ADCY2: variants seen among roughly 807,000 people sequenced by gnomAD.
ADCY2 encodes adenylate cyclase 2, also known as adenylate cyclase type 2.
ADCY2 carries 31 observed loss-of-function variants against 125.2 expected under a neutral mutation model. The ratio of observed to expected loss-of-function variants is 0.25; its 90% CI spans 0.19 to 0.33. ADCY2 has a LOEUF of 0.33. Ranked by LOEUF, ADCY2 falls within the 10% of genes least tolerant of loss-of-function variation. ADCY2 has a pLI of 1.00. For synonymous variants in ADCY2, 512 were observed against 548.4 expected (o/e 0.93, Z 0.93); for missense variants, 904 against 1,418.2 (o/e 0.64, Z 5.82).
intron 2 of ADCY2, among the ~76,000 whole-genome samples, chr5:7,518,997 C>A (rs952600938): frequency 6.6e-6 from 1 of 152,132 alleles, no homozygotes; most frequent in Non-Finnish European, 1.5e-5. Context: ...GGTCGGAGTG[C>A]CTTAATAAGC....
At chr5:7,455,786 AAC>A (rs1268777789) in intron 2 of ADCY2, among the ~76,000 whole-genome samples, 37 of 145,436 alleles carry the variant, frequency 2.5e-4, no homozygotes, top group Admixed American at 2.4e-3. Context: ...TATATTATAT[AAC>A]ACATATATTC....
At chr5:7,569,768 G>T (rs545812080) in intron 3 of ADCY2, among the ~76,000 whole-genome samples, 1 of 152,108 alleles carries the variant, frequency 6.6e-6, no homozygotes, top group Non-Finnish European at 1.5e-5. Context: ...GCTTAAGAGA[G>T]ACAGAAAGAT....
chr5:7,663,318 C>T (rs1489230702), intron 4 of ADCY2, among the ~76,000 whole-genome samples: 1 of 152,246 alleles, frequency 6.6e-6, no homozygotes, highest in Non-Finnish European at 1.5e-5. Flanking sequence ...GTGAAAAGCA[C>T]AATTCCAGGA....
chr5:7,430,753 A>G (rs1349231921), intron 2 of ADCY2, among the ~76,000 whole-genome samples: 1 of 152,058 alleles, frequency 6.6e-6, no homozygotes, highest in Non-Finnish European at 1.5e-5. Flanking sequence ...TATTGGAATC[A>G]TCTGTTAGAA....
intron 3 of ADCY2, among the ~76,000 whole-genome samples, chr5:7,616,282 C>G (rs1737759117): frequency 6.6e-6 from 1 of 152,178 alleles, no homozygotes; most frequent in Admixed American, 6.5e-5. Flanking sequence ...CCTTCAATCA[C>G]AAGCATTTGT....
At chr5:7,613,873 T>C (rs2126646555) in intron 3 of ADCY2, among the ~76,000 whole-genome samples, 1 of 152,308 alleles carries the variant, frequency 6.6e-6, no homozygotes, top group East Asian at 1.9e-4. Context: ...TTTAATCTTC[T>C]TCCAAGAAAT....
chr5:7,714,116 A>AAGC (rs1172281604), intron 11 of ADCY2, among the ~76,000 whole-genome samples: 4 of 152,182 alleles, frequency 2.6e-5, no homozygotes, highest in Non-Finnish European at 5.9e-5. Context: ...TTGAAGCATT[A>AAGC]TAATTAAGTG....
rs116788411 is a variant in ADCY2, at chr5:7,825,053, A to G, written c.3124-1666A>G. ...CACTGCTGTGTGCCATAACACTGCTATGTGCCAGAACAATGCTGCTGTGTG... is the reference window on the plus strand; with the variant it reads ...CACTGCTGTGTGCCATAACACTGCTGTGTGCCAGAACAATGCTGCTGTGTG... On this transcript the variant is annotated intron_variant, in intron 24 of 24. Transcript: ENST00000338316. 6.1e-3 allele frequency among the ~76,000 whole-genome samples: 921 copies of G among 151,630 alleles called. 12 individuals carry two copies. The highest frequency in any genetic ancestry group is 0.021 in the African/African-American group (873 of 41,364).
At chr5:7,563,622 G>A (rs1735796883) in intron 3 of ADCY2, among the ~76,000 whole-genome samples, 2 of 152,170 alleles carry the variant, frequency 1.3e-5, no homozygotes, top group South Asian at 4.1e-4. Context: ...ACAAAAAGTA[G>A]CATATCCCTG....
At chr5:7,464,377 A>G (rs1742029538) in intron 2 of ADCY2, among the ~76,000 whole-genome samples, 1 of 152,174 alleles carries the variant, frequency 6.6e-6, no homozygotes, top group African/African-American at 2.4e-5. Context: ...CAAACATGTA[A>G]GTGAAGCTGT....
At chr5:7,666,028 C>G (rs1339627765) in intron 4 of ADCY2, among the ~76,000 whole-genome samples, 2 of 149,324 alleles carry the variant, frequency 1.3e-5, no homozygotes, top group South Asian at 2.1e-4. Context: ...TTAGTAGAGA[C>G]AGGGTTTCAC....
intron 14 of ADCY2, among the ~76,000 whole-genome samples, chr5:7,739,464 A>G (rs1742351476): frequency 6.6e-6 from 1 of 151,922 alleles, no homozygotes; most frequent in Non-Finnish European, 1.5e-5. Context: ...AAATTAGAAA[A>G]GAGGAAAGAG....
intron 3 of ADCY2, among the ~76,000 whole-genome samples, chr5:7,550,560 A>G (rs959135013): frequency 5.3e-5 from 8 of 152,192 alleles, no homozygotes; most frequent in Non-Finnish European, 1.0e-4. Context: ...TCAGGACCCC[A>G]TGAAATGTCT....
intron 7 of ADCY2, among the ~76,000 whole-genome samples, chr5:7,703,546 A>G (rs1048989326): frequency 6.6e-6 from 1 of 151,994 alleles, no homozygotes; most frequent in Admixed American, 6.6e-5. Context: ...GATGTGTGGT[A>G]TTATTTCTGA....
intron 2 of ADCY2, among the ~76,000 whole-genome samples, chr5:7,423,674 T>C (rs1740289302): frequency 6.6e-6 from 1 of 152,224 alleles, no homozygotes; most frequent in Non-Finnish European, 1.5e-5. Flanking sequence ...TATGTCTTTA[T>C]TAGCAGCGTG....
At chr5:7,687,286 T>C (rs1390262353) in intron 4 of ADCY2, among the ~76,000 whole-genome samples, 5 of 152,232 alleles carry the variant, frequency 3.3e-5, no homozygotes, top group Non-Finnish European at 7.3e-5. Flanking sequence ...AGGATTACTA[T>C]ATTTGATTCT....
At chr5:7,703,607 A>G (rs1434887663) in intron 7 of ADCY2, among the ~76,000 whole-genome samples, 1 of 152,134 alleles carries the variant, frequency 6.6e-6, no homozygotes, top group Admixed American at 6.6e-5. Flanking sequence ...TACCAGTACC[A>G]TGCTGTTTTG....
chr5:7,809,896 C>T (rs1315875441), intron 22 of ADCY2, among the ~76,000 whole-genome samples: 1 of 152,212 alleles, frequency 6.6e-6, no homozygotes, highest in Non-Finnish European at 1.5e-5. Context: ...AAGAAACAGG[C>T]ATTTGTCAAG....
chr5:7,777,096 G>A (rs1392160159), intron 18 of ADCY2, among the ~76,000 whole-genome samples: 1 of 151,428 alleles, frequency 6.6e-6, no homozygotes, highest in East Asian at 1.9e-4. Flanking sequence ...TAGCCCTCTG[G>A]AAAACCCCAA....
Sources: gnomAD v4.1 joint callset for allele counts (sites outside exome capture counted in the v4.1 genomes callset) on GRCh38, gnomAD v4.1.1 for gene constraint, MANE v1.5 for transcripts, NCBI Gene and HGNC (gene_info 2026-07-23, HGNC 2026-07-21) for gene names.